Variants in ZNF395 observed in about 807,000 individuals in gnomAD.
ZNF395 encodes the protein zinc finger protein 395, also known as HD gene regulatory region-binding protein 2.
ZNF395 carries 20 observed loss-of-function variants against 57.7 expected under a neutral mutation model. That is an observed-to-expected ratio of 0.35 (90% CI 0.24 to 0.50). The LOEUF is 0.50. Ranked by LOEUF, ZNF395 falls within the 20% of genes least tolerant of loss-of-function variation. The pLI is 0.97. For synonymous variants in ZNF395, 295 were observed against 275.9 expected, an observed-to-expected ratio of 1.07 and a Z score of -0.69; for missense variants, 606 against 671.2, an observed-to-expected ratio of 0.90 and a Z score of 1.07.
intron 1 of ZNF395, among the ~76,000 whole-genome samples, chr8:28,362,863 C>T (rs1437731100): frequency 6.6e-6 from 1 of 152,162 alleles, no homozygotes; most frequent in Non-Finnish European, 1.5e-5. Context: ...GCATTTTATG[C>T]AGAAACTCAA....
chr8:28,348,344 A>T lies in ZNF395; in HGVS notation c.*375T>A, dbSNP rs1801634047. ...TTCTGGAAGAGTTTAGAAAGCAAAG[A>T]ATTCACCGACTCAGCAGGAAGCAGA... On this transcript the variant is annotated 3_prime_UTR_variant, in exon 10 of 10. Coordinates refer to ENST00000344423, the MANE Select transcript of ZNF395 (RefSeq NM_018660.3). 1 of 173,192 alleles carries T rather than the reference A, an allele frequency of 5.8e-6. No individual in the cohort carries two copies. Among genetic ancestry groups the T allele is most frequent in the African/African-American group, 2.5e-5 (1 of 40,744 alleles). The allele number at this position is 173,192 out of a possible 1,614,324, so 10.7% of individuals were successfully genotyped here. A position where few individuals can be genotyped will look rare whatever the true frequency, so the allele number is the denominator to read the frequency against.
intron 1 of ZNF395, among the ~76,000 whole-genome samples, chr8:28,373,741 T>A (rs557851226): frequency 1.3e-5 from 2 of 152,192 alleles, no homozygotes; most frequent in South Asian, 2.1e-4. Context: ...CCCTTCCCAA[T>A]ACCAACCCTT....
intron 3 of ZNF395, among the ~76,000 whole-genome samples, chr8:28,358,376 C>T (rs1486845952): frequency 2.0e-5 from 3 of 151,580 alleles, no homozygotes; most frequent in Non-Finnish European, 2.9e-5. Flanking sequence ...TCCCAAAGGG[C>T]TGGGATTACA....
Position 28,351,501 on chromosome 8 carries a change from T to C in ZNF395, c.1227A>G (p.Ala409=). 5 of 1,602,012 alleles carry C rather than the reference T, an allele frequency of 3.1e-6. No individual in the cohort carries two copies. In the South Asian group the frequency reaches 4.4e-5, roughly 14 times the overall value. The change falls in exon 7 of 10, where the codon GCA becomes GCG. Residue 409 remains alanine, a synonymous_variant. Coordinates refer to ENST00000344423, the MANE Select transcript of ZNF395 (RefSeq NM_018660.3). ...AGCGAGCCCCGCCCCATACCTGGTATGCATGATCTGCCTGAATGTGCCAGA... is the reference window on the plus strand; with the variant it reads ...AGCGAGCCCCGCCCCATACCTGGTACGCATGATCTGCCTGAATGTGCCAGA... ...GSFWHIQADH[A]YQALPSFQIP... is the part of the protein sequence containing the mutation.
Position 28,359,925 on chromosome 8 carries a change from A to G in ZNF395, c.241-101T>C. On this transcript the variant is annotated intron_variant, in intron 2 of 9. Transcript: ENST00000344423. This position sits in a 1 kb window ranked among gnomAD's most constrained non-coding sequence, Gnocchi z 4.7. ...CCAGGAGCCAGGATCTGCCTGCCAC[A>G]AACCATGTTCTCTGCCTCACTCATC... 1 of 1,490,004 alleles carries G rather than the reference A, an allele frequency of 6.7e-7. No individual in the cohort carries two copies. Among genetic ancestry groups the G allele is most frequent in the Middle Eastern group, 1.8e-4 (1 of 5,622 alleles). 92.3% of individuals were successfully genotyped at this position (1,490,004 alleles called of 1,614,324 possible). A position where few individuals can be genotyped will look rare whatever the true frequency, so the allele number is the denominator to read the frequency against.
intron 1 of ZNF395, among the ~76,000 whole-genome samples, chr8:28,364,671 AAAAG>A (rs1801889450): frequency 6.6e-6 from 1 of 151,902 alleles, no homozygotes; most frequent in Non-Finnish European, 1.5e-5. Flanking sequence ...AAAAAAAAAA[AAAAG>A]AATCACTTGA....
chr8:28,384,030 T>C (rs898029660), intron 1 of ZNF395, among the ~76,000 whole-genome samples: 1 of 152,184 alleles, frequency 6.6e-6, no homozygotes, highest in Admixed American at 6.5e-5. Context: ...AAACAGATTA[T>C]TTCAACAGTA....
At chr8:28,351,958 G>A (rs1333057455) in intron 6 of ZNF395, 151 bp from the exon 7 acceptor site, 11 of 812,706 alleles carry the variant, frequency 1.4e-5, no homozygotes, top group East Asian at 1.0e-4. Flanking sequence ...CGCTCCTGAC[G>A]GGTGTCACCA....
rs1346856286 is a variant in ZNF395, at chr8:28,372,025, AGAGT to A, written c.-58-10847_-58-10844del. ...GCCACTGCACTCTAGCCTGGGTGAC[AGAGT>A]GAGACCCTATCTCAAAAAAAAAAAT... On this transcript the variant is annotated intron_variant, in intron 1 of 9. Transcript: ENST00000344423. 5.3e-5 allele frequency among the ~76,000 whole-genome samples: 8 copies of A among 152,220 alleles called. No individual in the cohort carries two copies. The East Asian group carries it at 1.4e-3, about 26-fold the overall frequency.
intron 1 of ZNF395, among the ~76,000 whole-genome samples, chr8:28,378,760 C>T (rs1487332045): frequency 6.6e-6 from 1 of 152,128 alleles, no homozygotes. Context: ...CTTTGGAGGT[C>T]GGCCTAATTC....
At chr8:28,376,454 T>TA (rs1319432334) in intron 1 of ZNF395, among the ~76,000 whole-genome samples, 16 of 151,684 alleles carry the variant, frequency 1.1e-4, no homozygotes, top group Admixed American at 7.9e-4. Context: ...CCATCTCCAC[T>TA]AAAAAAAATT....
intron 1 of ZNF395, among the ~76,000 whole-genome samples, chr8:28,382,353 C>G (rs1407923236): frequency 6.6e-6 from 1 of 152,178 alleles, no homozygotes; most frequent in Non-Finnish European, 1.5e-5. Context: ...CGGTTTACAA[C>G]CTTTGCCCTA....
At chr8:28,371,092 GA>G (rs1404117090) in intron 1 of ZNF395, among the ~76,000 whole-genome samples, 1 of 152,188 alleles carries the variant, frequency 6.6e-6, no homozygotes, top group Non-Finnish European at 1.5e-5. Flanking sequence ...TGAGCAAACT[GA>G]ATCTCAGGGT....
chr8:28,380,335 TTC>T lies in ZNF395; in HGVS notation c.-59+6056_-59+6057del, dbSNP rs376147917. Reference sequence around the variant, plus strand: ...TAAATTCATCCCTTACTGAATTTTTTTCTGTTTTCTTTTTAATTTGCACTCCT... The same window carrying T: ...TAAATTCATCCCTTACTGAATTTTTTTGTTTTCTTTTTAATTTGCACTCCT... On this transcript the variant is annotated intron_variant, in intron 1 of 9. Transcript: ENST00000344423. Among the ~76,000 whole-genome samples, 32 of 152,314 alleles carry T rather than the reference TTC, an allele frequency of 2.1e-4. No homozygotes were observed. In the South Asian group the frequency reaches 4.4e-3, roughly 21 times the overall value.
chr8:28,385,425 G>A (rs1358643834), intron 1 of ZNF395: 1 of 148,752 alleles, frequency 6.7e-6, no homozygotes, highest in Non-Finnish European at 1.5e-5. Context: ...GCACCCGCGT[G>A]AGCCCACGGT....
At chr8:28,372,229 G>T (rs1801985430) in intron 1 of ZNF395, among the ~76,000 whole-genome samples, 1 of 152,002 alleles carries the variant, frequency 6.6e-6, no homozygotes, top group Non-Finnish European at 1.5e-5. Context: ...CCTTGATTTT[G>T]TTAAGAGTTC....
intron 1 of ZNF395, among the ~76,000 whole-genome samples, chr8:28,362,843 G>A (rs1801866646): frequency 6.6e-6 from 1 of 152,174 alleles, no homozygotes; most frequent in East Asian, 1.9e-4. Context: ...CAAAATGCTG[G>A]TTTTCATGAG....
intron 1 of ZNF395, among the ~76,000 whole-genome samples, chr8:28,382,320 T>C (rs1172388173): frequency 3.3e-5 from 5 of 152,220 alleles, no homozygotes; most frequent in African/African-American, 1.2e-4. Flanking sequence ...CACATCCATA[T>C]GCTTAAAACA....
chr8:28,381,308 T>C (rs1802107258), intron 1 of ZNF395, among the ~76,000 whole-genome samples: 1 of 152,192 alleles, frequency 6.6e-6, no homozygotes, highest in Non-Finnish European at 1.5e-5. Context: ...CCCAAAGTGC[T>C]GGGATAACAG....
Sources: gnomAD v4.1 joint callset for allele counts (sites outside exome capture counted in the v4.1 genomes callset) on GRCh38, gnomAD v4.1.1 for gene constraint, Gnocchi (gnomAD v3.1) non-coding constraint, MANE v1.5 for transcripts, NCBI Gene and HGNC (gene_info 2026-07-23, HGNC 2026-07-21) for gene names.